The following FRAS1 variants were observed in gnomAD, a reference collection of about 807,000 sequenced individuals.
The protein encoded by FRAS1 is extracellular matrix organizing protein FRAS1.
A neutral mutation model predicts 435.2 loss-of-function variants in FRAS1; 290 were observed. The observed-to-expected ratio is 0.67, with a 90% CI of 0.61 to 0.73. FRAS1 has a LOEUF of 0.73. Among genes scored for constraint, FRAS1 ranks in the 30% least tolerant of loss-of-function variants. The pLI is 0.00. For missense variants in FRAS1, 4,860 were observed against 5,001.5 expected, an observed-to-expected ratio of 0.97 and a Z score of 0.85; for synonymous variants, 1,800 against 1,851.0, an observed-to-expected ratio of 0.97 and a Z score of 0.71.
intron 2 of FRAS1, among the ~76,000 whole-genome samples, chr4:78,186,382 G>A (rs564898042): frequency 3.3e-5 from 5 of 152,118 alleles, no homozygotes; most frequent in African/African-American, 1.2e-4. Flanking sequence ...ATATTTAATA[G>A]CATATTTTGC....
chr4:78,344,633 A>T (rs1578264961), intron 20 of FRAS1, among the ~76,000 whole-genome samples: 1 of 149,528 alleles, frequency 6.7e-6, no homozygotes, highest in Non-Finnish European at 1.5e-5. Context: ...TGGTAGGTGG[A>T]TTACTTGATT....
At chr4:78,156,318 C>T (rs1041449985) in intron 2 of FRAS1, among the ~76,000 whole-genome samples, 1 of 151,350 alleles carries the variant, frequency 6.6e-6, no homozygotes, top group African/African-American at 2.4e-5. Flanking sequence ...ATCGAAAGTC[C>T]TCATTTTTTT....
At chr4:78,381,421 C>T (rs1034254716) in intron 27 of FRAS1, among the ~76,000 whole-genome samples, 1 of 152,172 alleles carries the variant, frequency 6.6e-6, no homozygotes, top group Admixed American at 6.5e-5. Flanking sequence ...TCCTGAGTAG[C>T]TGGGACTACA....
At chr4:78,215,468 A>G (rs1389769436) in intron 2 of FRAS1, among the ~76,000 whole-genome samples, 1 of 152,214 alleles carries the variant, frequency 6.6e-6, no homozygotes, top group Admixed American at 6.5e-5. Flanking sequence ...TGCTGGGATT[A>G]TAGGCATGAG....
intron 34 of FRAS1, 102 bp downstream of exon 34, chr4:78,422,102 C>A: frequency 1.7e-6 from 2 of 1,195,616 alleles, no homozygotes; most frequent in South Asian, 2.3e-5. Flanking sequence ...CCATTTGGTG[C>A]CCCTGCTTTC....
At chr4:78,065,164 GTATATATGTA>G (rs1012445206) in intron 1 of FRAS1, among the ~76,000 whole-genome samples, 4 of 143,056 alleles carry the variant, frequency 2.8e-5, no homozygotes, top group Admixed American at 1.4e-4. Flanking sequence ...TATATAGTGG[GTATATATGTA>G]TATATATGTG....
intron 47 of FRAS1, among the ~76,000 whole-genome samples, chr4:78,453,173 G>A (rs1030018530): frequency 6.6e-6 from 1 of 152,160 alleles, no homozygotes; most frequent in African/African-American, 2.4e-5. Flanking sequence ...ATAGGCAATA[G>A]TGAGTCACTG....
At chr4:78,103,674 G>A (rs1045750096) in intron 2 of FRAS1, among the ~76,000 whole-genome samples, 1 of 152,154 alleles carries the variant, frequency 6.6e-6, no homozygotes, top group East Asian at 1.9e-4. Flanking sequence ...CTATATAAAA[G>A]AGAGCTCAGA....
intron 61 of FRAS1, among the ~76,000 whole-genome samples, chr4:78,503,375 T>C (rs1344144479): frequency 6.6e-6 from 1 of 152,232 alleles, no homozygotes; most frequent in Non-Finnish European, 1.5e-5. Flanking sequence ...CTATTAATTA[T>C]TGCCTCAATT....
chr4:78,515,323 CTTT>C (rs78491600), intron 65 of FRAS1, among the ~76,000 whole-genome samples: 88 of 136,366 alleles, frequency 6.5e-4, no homozygotes, highest in Middle Eastern at 3.8e-3. Flanking sequence ...GGTATGCTGG[CTTT>C]TTTTTTTTTT....
Position 78,515,957 on chromosome 4 carries a change from T to G in FRAS1, c.10333T>G (p.Tyr3445Asp), listed in dbSNP as rs1332921572. The change falls in exon 66 of 74, where the codon TAT (tyrosine) becomes GAT (aspartate). Residue 3445 changes from tyrosine (Y) to aspartate (D), a missense_variant. Tyr to Asp is a radical substitution (Grantham distance 160). Coordinates refer to ENST00000512123, the MANE Select transcript of FRAS1 (RefSeq NM_025074.7). ...CTGCGTGTGGACCTTTGATGCTTAT[T>G]ATGACATGACTGAGCTGATTGACGT... is the stretch of plus-strand genomic sequence containing the variant. Reference protein sequence around the residue: ...KSCVWTFDAYYDMTELIDVCG... With the variant: ...KSCVWTFDAYDDMTELIDVCG... 1.9e-6 allele frequency: 3 copies of G among 1,613,998 alleles called. No homozygotes were observed. The highest frequency in any genetic ancestry group is 2.5e-6 in the Non-Finnish European group (3 of 1,179,892).
chr4:78,358,557 G>T (rs1730954155), intron 20 of FRAS1, among the ~76,000 whole-genome samples: 1 of 149,052 alleles, frequency 6.7e-6, no homozygotes, highest in Admixed American at 6.8e-5. Flanking sequence ...GATAATAACA[G>T]TGCCTACTTT....
intron 2 of FRAS1, among the ~76,000 whole-genome samples, chr4:78,183,467 C>T (rs899737393): frequency 6.6e-6 from 1 of 152,192 alleles, no homozygotes; most frequent in African/African-American, 2.4e-5. Flanking sequence ...CATCTTTCAG[C>T]AGCCCTGCTC....
chr4:78,082,891 T>A (rs1364003241), intron 2 of FRAS1, among the ~76,000 whole-genome samples: 1 of 152,164 alleles, frequency 6.6e-6, no homozygotes. Context: ...AGTAATTTAG[T>A]TTCTCAACAC....
chr4:78,517,745 T>C (rs894593875), intron 66 of FRAS1, among the ~76,000 whole-genome samples: 3 of 152,164 alleles, frequency 2.0e-5, no homozygotes, highest in Admixed American at 2.0e-4. Context: ...TTGTTGGGTT[T>C]TTTTTTCTTT....
chr4:78,407,709 T>A lies in FRAS1; in HGVS notation c.4176T>A (p.Asp1392Glu), dbSNP rs753844042. ...ATATGCCTGCAGACAGCCCTGCAGA[T>A]GAAGGGCAGCACCTGCCTGATGGGA... ...LVNMPADSPA[D>E]EGQHLPDGRT... Residue 1392 changes from aspartate (D) to glutamate (E), a missense_variant, in exon 31 of 74, where the codon GAT (aspartate) becomes GAA (glutamate). By Grantham distance (45) the Asp-to-Glu change is conservative (BLOSUM62 2). Transcript: ENST00000512123. 1.8e-5 allele frequency: 29 copies of A among 1,613,508 alleles called. No homozygotes were observed. Among genetic ancestry groups the A allele is most frequent in the Non-Finnish European group, 2.2e-5 (26 of 1,179,744 alleles).
intron 29 of FRAS1, among the ~76,000 whole-genome samples, chr4:78,388,636 A>G (rs1578292342): frequency 9.8e-6 from 1 of 101,942 alleles, no homozygotes; most frequent in African/African-American, 4.8e-5. Flanking sequence ...TGTCTCTACT[A>G]AAGTTTTTTT....
At chr4:78,311,958 C>CT (rs1383256063) in intron 15 of FRAS1, among the ~76,000 whole-genome samples, 2 of 151,860 alleles carry the variant, frequency 1.3e-5, no homozygotes. Context: ...AGATAGTAGC[C>CT]TTTTTTCAGT....
chr4:78,422,032 A>G, intron 34 of FRAS1, 32 bp downstream of exon 34: 2 of 1,575,554 alleles, frequency 1.3e-6, no homozygotes, highest in Non-Finnish European at 1.7e-6. Context: ...TGAGGCACCC[A>G]ACTGCTCTCT....
Sources: allele counts gnomAD v4.1 joint callset (sites outside exome capture counted in the v4.1 genomes callset), GRCh38; gene constraint gnomAD v4.1.1; transcripts MANE v1.5; gene names NCBI Gene and HGNC (gene_info 2026-07-23, HGNC 2026-07-21).